The following UBASH3B variants were observed in gnomAD, a reference collection of about 807,000 sequenced individuals.
UBASH3B encodes the protein ubiquitin associated and SH3 domain containing B.
In UBASH3B, 37 loss-of-function variants were observed where a neutral mutation model predicts 83.4. The observed-to-expected ratio is 0.44, with a 90% CI of 0.34 to 0.58. The LOEUF is 0.58. Among genes scored for constraint, UBASH3B ranks in the 20% least tolerant of loss-of-function variants. The pLI, the probability that UBASH3B is intolerant of heterozygous loss-of-function variation, is 0.01. For missense variants in UBASH3B, 657 were observed against 827.2 expected (o/e 0.79, Z 2.52); for synonymous variants, 304 against 318.3 (o/e 0.96, Z 0.48).
chr11:122,663,471 C>T (rs993709961), intron 1 of UBASH3B, among the ~76,000 whole-genome samples: 2 of 152,216 alleles, frequency 1.3e-5, no homozygotes, highest in African/African-American at 4.8e-5. Context: ...TTGATCACCA[C>T]CTGCTCCCCA....
At chr11:122,734,709 T>A (rs765039230) in intron 1 of UBASH3B, among the ~76,000 whole-genome samples, 7 of 151,726 alleles carry the variant, frequency 4.6e-5, no homozygotes, top group African/African-American at 1.7e-4. Flanking sequence ...GCAATTCCAG[T>A]AGAGTGAATA....
chr11:122,781,008 T>A (rs1466674731), intron 4 of UBASH3B, among the ~76,000 whole-genome samples: 4 of 152,318 alleles, frequency 2.6e-5, no homozygotes, highest in East Asian at 1.9e-4. Context: ...AGGCCCTTTG[T>A]TCCATATTCC....
chr11:122,765,149 G>C (rs1431455306), intron 1 of UBASH3B, among the ~76,000 whole-genome samples: 1 of 148,856 alleles, frequency 6.7e-6, no homozygotes, highest in Non-Finnish European at 1.5e-5. Flanking sequence ...ATTCATTTTT[G>C]TCTTTGGAAG....
At chr11:122,743,614 TGAAA>T (rs1306044957) in intron 1 of UBASH3B, among the ~76,000 whole-genome samples, 1 of 152,196 alleles carries the variant, frequency 6.6e-6, no homozygotes, top group African/African-American at 2.4e-5. Context: ...TCTTGAGGAT[TGAAA>T]GAGATGCTAA....
intron 1 of UBASH3B, among the ~76,000 whole-genome samples, chr11:122,697,328 A>G (rs116484117): frequency 4.5e-4 from 69 of 152,310 alleles, no homozygotes; most frequent in Middle Eastern, 3.4e-3. Flanking sequence ...CCAGCTATTC[A>G]GGGGGCTGAG....
chr11:122,672,870 G>C (rs1258919046), intron 1 of UBASH3B, among the ~76,000 whole-genome samples: 4 of 152,274 alleles, frequency 2.6e-5, no homozygotes, highest in Non-Finnish European at 5.9e-5. Context: ...GGCTGGGCCA[G>C]CCTGCAGTAG....
chr11:122,671,439 C>T (rs554413797), intron 1 of UBASH3B, among the ~76,000 whole-genome samples: 2 of 152,342 alleles, frequency 1.3e-5, no homozygotes, highest in South Asian at 2.1e-4. Context: ...AAGATACCCT[C>T]CTGGGACGTC....
chr11:122,705,130 C>T (rs1462347034), intron 1 of UBASH3B, among the ~76,000 whole-genome samples: 2 of 152,122 alleles, frequency 1.3e-5, no homozygotes, highest in Non-Finnish European at 2.9e-5. Context: ...TCATGAGTCC[C>T]AGAGCTTTGA....
intron 1 of UBASH3B, among the ~76,000 whole-genome samples, chr11:122,710,124 C>G (rs1412806210): frequency 6.7e-6 from 1 of 149,008 alleles, no homozygotes; most frequent in African/African-American, 2.5e-5. Context: ...CCACTGCACT[C>G]CAGCCTGGGC....
At chr11:122,723,228 C>T (rs11602408) in intron 1 of UBASH3B, among the ~76,000 whole-genome samples, 1,682 of 152,344 alleles carry the variant, frequency 0.011, 32 homozygotes, top group African/African-American at 0.039. Context: ...TTGGAAACCA[C>T]TGTTCAGATT....
chr11:122,759,787 G>A lies in UBASH3B; in HGVS notation c.162-16432G>A, dbSNP rs1337363273. Among the ~76,000 whole-genome samples, 4 of 152,244 alleles carry A rather than the reference G, an allele frequency of 2.6e-5. No individual in the cohort carries two copies. Among genetic ancestry groups the A allele is most frequent in the Non-Finnish European group, 2.9e-5 (2 of 68,044 alleles). ...ATGCTCACTCGCCTGCCTGCCTGCT[G>A]TGCAGCCTGGCTCCTAACAGGCCAC... On this transcript the variant is annotated intron_variant, in intron 1 of 13. Transcript: ENST00000284273. The surrounding 1 kb of genome is among the most constrained non-coding windows in gnomAD (Gnocchi z 4.1).
intron 3 of UBASH3B, among the ~76,000 whole-genome samples, chr11:122,777,942 C>G (rs12226572): frequency 1.4e-4 from 21 of 152,094 alleles, no homozygotes; most frequent in Admixed American, 1.0e-3. Flanking sequence ...GTTGGCCAGG[C>G]TGGTCTTGAA....
At chr11:122,657,880 T>G (rs1364343445) in intron 1 of UBASH3B, among the ~76,000 whole-genome samples, 1 of 152,146 alleles carries the variant, frequency 6.6e-6, no homozygotes, top group Non-Finnish European at 1.5e-5. Context: ...ATGATCAATG[T>G]GCACAGCTCT....
At chr11:122,664,995 G>GC (rs1222969273) in intron 1 of UBASH3B, among the ~76,000 whole-genome samples, 6 of 152,080 alleles carry the variant, frequency 3.9e-5, no homozygotes, top group African/African-American at 9.7e-5. Flanking sequence ...TGCAAGCTCC[G>GC]CCCCCCGGGT....
chr11:122,656,352 C>A, intron 1 of UBASH3B, 142 bp downstream of exon 1: 5 of 870,062 alleles, frequency 5.7e-6, no homozygotes, highest in Non-Finnish European at 7.6e-6. Flanking sequence ...GCGGGATGGG[C>A]GCGCTGGCAA....
intron 7 of UBASH3B, among the ~76,000 whole-genome samples, 164 bp downstream of exon 7, chr11:122,794,998 AAG>A (rs1322511318): frequency 6.6e-6 from 1 of 152,208 alleles, no homozygotes; most frequent in Admixed American, 6.5e-5. Context: ...CAAGGCTAGG[AAG>A]AGTCAGATGA....
In UBASH3B at chr11:122,782,821, C is replaced by T. The variant is rs569818385; in HGVS notation, c.602-232C>T. The T allele has an allele frequency of 5.9e-4, 296 of 501,488 alleles. 1 individual carries two copies. Among genetic ancestry groups the T allele is most frequent in the African/African-American group, 5.3e-3 (276 of 52,016 alleles). The allele number at this position is 501,488 out of a possible 1,614,324, so 31.1% of individuals were successfully genotyped here. A position where few individuals can be genotyped will look rare whatever the true frequency, so the allele number is the denominator to read the frequency against. On this transcript the variant is annotated intron_variant, in intron 4 of 13. Transcript: ENST00000284273. The stretch of plus-strand genomic sequence containing the variant: ...GACTGCCCTCAGCTGACCCGCAGCT[C>T]CTAGAGGAAAGCCGTATGGTGGCTA...
chr11:122,794,326 C>CTTT (rs1861114221), intron 6 of UBASH3B, among the ~76,000 whole-genome samples: 1 of 152,172 alleles, frequency 6.6e-6, no homozygotes, highest in South Asian at 2.1e-4. Context: ...ATACCTCAGC[C>CTTT]TCCCTAGCAG....
At chr11:122,809,720 A>G in intron 13 of UBASH3B, 29 bp from the exon 14 acceptor site, 1 of 1,613,446 alleles carries the variant, frequency 6.2e-7, no homozygotes, top group Non-Finnish European at 8.5e-7. Flanking sequence ...ATCTCCTAAT[A>G]TCCCCTTTCT....
Sources: gnomAD v4.1 joint callset for allele counts (sites outside exome capture counted in the v4.1 genomes callset) on GRCh38, gnomAD v4.1.1 for gene constraint, Gnocchi (gnomAD v3.1) non-coding constraint, MANE v1.5 for transcripts, NCBI Gene and HGNC (gene_info 2026-07-23, HGNC 2026-07-21) for gene names.